Variants in PCDH9 observed in about 807,000 individuals in gnomAD.
PCDH9 encodes protocadherin-9.
In PCDH9, 24 loss-of-function variants were observed where a neutral mutation model predicts 70.6. The ratio of observed to expected loss-of-function variants is 0.34; its 90% CI spans 0.25 to 0.48. PCDH9 has a LOEUF of 0.48. Among genes scored for constraint, PCDH9 ranks in the 20% least tolerant of loss-of-function variants. The pLI is 0.99. For missense variants in PCDH9, 1,281 were observed against 1,503.6 expected (o/e 0.85, Z 2.45); for synonymous variants, 562 against 558.5 (o/e 1.01, Z -0.09).
intron 4 of PCDH9, among the ~76,000 whole-genome samples, chr13:66,322,514 A>G (rs935188662): frequency 1.3e-5 from 2 of 152,032 alleles, no homozygotes; most frequent in Non-Finnish European, 2.9e-5. Context: ...ATGATTTACC[A>G]TCTTGCACTG....
chr13:66,322,028 G>A (rs1012010995), intron 4 of PCDH9, among the ~76,000 whole-genome samples: 1 of 149,544 alleles, frequency 6.7e-6, no homozygotes, highest in Non-Finnish European at 1.5e-5. Flanking sequence ...CATTGACAGA[G>A]CCATACATTG....
intron 3 of PCDH9, among the ~76,000 whole-genome samples, chr13:66,725,242 T>G (rs531659180): frequency 1.2e-4 from 18 of 152,330 alleles, no homozygotes; most frequent in Admixed American, 2.6e-4. Context: ...AGAATTTTAT[T>G]TAATTATGCT....
intron 2 of PCDH9, among the ~76,000 whole-genome samples, chr13:66,936,226 A>T (rs2082913910): frequency 2.0e-5 from 3 of 152,202 alleles, no homozygotes; most frequent in Non-Finnish European, 1.5e-5. Context: ...AATCAGTCTC[A>T]TTTGGAATAT....
At chr13:66,392,877 T>A (rs1443365330) in intron 4 of PCDH9, among the ~76,000 whole-genome samples, 1 of 150,160 alleles carries the variant, frequency 6.7e-6, no homozygotes, top group Non-Finnish European at 1.5e-5. Flanking sequence ...GGTAAAAACA[T>A]GGGCATTTGC....
At chr13:66,398,326 G>C (rs906084472) in intron 4 of PCDH9, among the ~76,000 whole-genome samples, 26 of 152,048 alleles carry the variant, frequency 1.7e-4, no homozygotes, top group African/African-American at 5.6e-4. Flanking sequence ...CATGTATTTA[G>C]AAATTCTGCT....
intron 2 of PCDH9, among the ~76,000 whole-genome samples, chr13:67,103,781 A>G (rs975983686): frequency 5.3e-5 from 8 of 152,072 alleles, no homozygotes; most frequent in African/African-American, 1.7e-4. Context: ...TGAATGCTTG[A>G]CTAGGGAATT....
rs926724721 is a variant in PCDH9, at chr13:66,939,084, GT to G, written c.3037-35480del. On this transcript the variant is annotated intron_variant, in intron 2 of 4. Coordinates refer to ENST00000377865, the MANE Select transcript of PCDH9 (RefSeq NM_203487.3). Reference sequence around the variant, plus strand: ...GATTTTGCTTGTATTTGGGCCCAATGTTTTTTTTTCTTCAGGTTGTCCTGTA... The same window carrying G: ...GATTTTGCTTGTATTTGGGCCCAATGTTTTTTTTCTTCAGGTTGTCCTGTA... Among the ~76,000 whole-genome samples the G allele has an allele frequency of 4.0e-5, 6 of 150,916 alleles. No homozygotes were observed. In the East Asian group the frequency reaches 9.7e-4, roughly 24 times the overall value.
chr13:67,143,547 C>T (rs1843230985), intron 2 of PCDH9, among the ~76,000 whole-genome samples: 1 of 152,076 alleles, frequency 6.6e-6, no homozygotes, highest in Non-Finnish European at 1.5e-5. Context: ...CCATTTCAGA[C>T]AATTTCCTTC....
chr13:66,929,566 C>T (rs576436259), intron 2 of PCDH9, among the ~76,000 whole-genome samples: 66 of 152,198 alleles, frequency 4.3e-4, no homozygotes, highest in African/African-American at 1.4e-3. Flanking sequence ...TCAGGTGATC[C>T]ACCTGCCTCC....
At chr13:67,033,018 A>T (rs2084937325) in intron 2 of PCDH9, among the ~76,000 whole-genome samples, 1 of 152,018 alleles carries the variant, frequency 6.6e-6, no homozygotes. Context: ...TGCATAATTT[A>T]AAAAATTAGG....
chr13:66,782,603 AG>A (rs2080017471), intron 3 of PCDH9: 1 of 152,180 alleles, frequency 6.6e-6, no homozygotes, highest in Non-Finnish European at 1.5e-5. Flanking sequence ...TAGGCATATA[AG>A]ATTCAATTAA....
intron 3 of PCDH9, among the ~76,000 whole-genome samples, chr13:66,868,932 T>C (rs1247694240): frequency 6.6e-6 from 1 of 152,174 alleles, no homozygotes; most frequent in African/African-American, 2.4e-5. Context: ...AAATATACGC[T>C]TAAGAACTGT....
In PCDH9 at chr13:66,692,748, C is replaced by T. The variant is rs975537227; in HGVS notation, c.3139-61337G>A. On this transcript the variant is annotated intron_variant, in intron 3 of 4. Transcript: ENST00000377865. ...CTTTTAATTTTGTTGTAAAGTATTC[C>T]AATCATGGTACTATTATTTAGAGAC... Among the ~76,000 whole-genome samples the T allele has an allele frequency of 7.2e-5, 11 of 151,860 alleles. No individual in the cohort carries two copies. In the East Asian group the frequency reaches 2.1e-3, roughly 29 times the overall value.
At chr13:66,463,958 GCATTAAAAATTTAAATTTAACTGA>G (rs67741675) in intron 4 of PCDH9, among the ~76,000 whole-genome samples, 33,467 of 151,228 alleles carry the variant, frequency 0.22, 3,851 homozygotes, top group East Asian at 0.24. Context: ...CAATTCATTG[GCATTAAAAATTTAAATTTAACTGA>G]CATTAAAAAT....
At chr13:66,830,601 A>G (rs2080908644) in intron 3 of PCDH9, among the ~76,000 whole-genome samples, 1 of 152,236 alleles carries the variant, frequency 6.6e-6, no homozygotes, top group South Asian at 2.1e-4. Flanking sequence ...GTGGGGATTT[A>G]AATTAAGGCC....
chr13:66,921,324 T>C (rs1022000655), intron 2 of PCDH9, among the ~76,000 whole-genome samples: 1 of 151,228 alleles, frequency 6.6e-6, no homozygotes. Flanking sequence ...GCAGACATTG[T>C]ATTTACGTGA....
At chr13:66,395,476 C>T (rs999740864) in intron 4 of PCDH9, among the ~76,000 whole-genome samples, 4 of 151,968 alleles carry the variant, frequency 2.6e-5, no homozygotes, top group East Asian at 3.9e-4. Context: ...TGGCACGCGC[C>T]TGTAATCCTA....
chr13:66,765,585 G>C (rs1045455671), intron 3 of PCDH9, among the ~76,000 whole-genome samples: 1 of 151,968 alleles, frequency 6.6e-6, no homozygotes, highest in Non-Finnish European at 1.5e-5. Context: ...ACAGCAATCA[G>C]CTCTAAGCCA....
intron 4 of PCDH9, among the ~76,000 whole-genome samples, chr13:66,393,026 A>T (rs1406315538): frequency 6.6e-6 from 1 of 152,130 alleles, no homozygotes; most frequent in Non-Finnish European, 1.5e-5. Flanking sequence ...ACACTGTCCC[A>T]TACCTTCAAC....
Sources: gnomAD v4.1 joint callset for allele counts (sites outside exome capture counted in the v4.1 genomes callset) on GRCh38, gnomAD v4.1.1 for gene constraint, MANE v1.5 for transcripts, NCBI Gene and HGNC (gene_info 2026-07-23, HGNC 2026-07-21) for gene names.